Variants in OXR1 observed in about 807,000 individuals in gnomAD.
The protein encoded by OXR1 is oxidation resistance protein 1.
A neutral mutation model predicts 104.6 loss-of-function variants in OXR1; 41 were observed. The ratio of observed to expected loss-of-function variants is 0.39; its 90% confidence interval spans 0.31 to 0.51. OXR1 has a LOEUF of 0.51. Ranked by LOEUF, OXR1 falls within the 20% of genes least tolerant of loss-of-function variation. The probability of loss-of-function intolerance (pLI) is 0.77; values close to 1 mark genes in which losing one functional copy is unlikely to be tolerated. For missense variants in OXR1, 955 were observed against 1,031.9 expected (o/e 0.93, Z 1.02); for synonymous variants, 348 against 348.4 (o/e 1.00, Z 0.01).
At chr8:106,750,157 CA>C (rs35035369) in intron 16 of OXR1, among the ~76,000 whole-genome samples, 75 of 145,290 alleles carry the variant, frequency 5.2e-4, no homozygotes, top group African/African-American at 1.4e-3. Flanking sequence ...CACACATACA[CA>C]AAAAAAAAAC....
chr8:106,274,785 A>G (rs1811968924), intron 1 of OXR1, among the ~76,000 whole-genome samples: 1 of 152,136 alleles, frequency 6.6e-6, no homozygotes, highest in African/African-American at 2.4e-5. Flanking sequence ...TCAATTGCAT[A>G]TTCTTGCTAT....
intron 3 of OXR1, among the ~76,000 whole-genome samples, chr8:106,616,030 C>CTTTT (rs10718309): frequency 0.011 from 772 of 73,286 alleles, 1 homozygote; most frequent in Non-Finnish European, 0.012. Flanking sequence ...GAAACACCTT[C>CTTTT]TTTTTTTTTT....
chr8:106,613,337 A>G (rs1820955220), intron 3 of OXR1, among the ~76,000 whole-genome samples: 2 of 152,214 alleles, frequency 1.3e-5, no homozygotes, highest in South Asian at 4.1e-4. Context: ...AGGCTCTTTT[A>G]TGCAACCTAA....
chr8:106,533,949 G>C (rs773899738), intron 3 of OXR1, among the ~76,000 whole-genome samples: 1 of 152,078 alleles, frequency 6.6e-6, no homozygotes, highest in Non-Finnish European at 1.5e-5. Context: ...CCAACGTCAG[G>C]TGATCCACCT....
intron 3 of OXR1, among the ~76,000 whole-genome samples, chr8:106,643,081 A>G (rs1049748110): frequency 1.3e-5 from 2 of 152,188 alleles, no homozygotes; most frequent in Non-Finnish European, 2.9e-5. Context: ...AACAACCTTA[A>G]CAGAGGCAAA....
At chr8:106,632,525 G>T (rs113425096) in intron 3 of OXR1, among the ~76,000 whole-genome samples, 18 of 152,060 alleles carry the variant, frequency 1.2e-4, no homozygotes, top group African/African-American at 3.6e-4. Context: ...TAATTGATGG[G>T]TTTTTCTTGT....
At chr8:106,688,112 G>A (rs759889706) in intron 6 of OXR1, among the ~76,000 whole-genome samples, 1 of 151,934 alleles carries the variant, frequency 6.6e-6, no homozygotes, top group Non-Finnish European at 1.5e-5. Context: ...TACACCTTTG[G>A]TTTTTCTCCT....
chr8:106,278,920 T>C (rs1812169415), intron 1 of OXR1, among the ~76,000 whole-genome samples: 1 of 152,164 alleles, frequency 6.6e-6, no homozygotes, highest in Non-Finnish European at 1.5e-5. Flanking sequence ...GTGGTAAGTA[T>C]GTCAGTGTAG....
intron 1 of OXR1, among the ~76,000 whole-genome samples, chr8:106,309,768 A>T (rs1385024945): frequency 6.6e-6 from 1 of 150,680 alleles, no homozygotes; most frequent in African/African-American, 2.4e-5. Flanking sequence ...TTAAAATAAA[A>T]ATATATATAC....
chr8:106,456,676 C>T (rs1048736462), intron 2 of OXR1, among the ~76,000 whole-genome samples: 1 of 152,130 alleles, frequency 6.6e-6, no homozygotes, highest in African/African-American at 2.4e-5. Flanking sequence ...AATATCCATC[C>T]ATGATAACAT....
intron 3 of OXR1, among the ~76,000 whole-genome samples, chr8:106,628,695 C>A (rs953925025): frequency 5.3e-5 from 8 of 152,310 alleles, no homozygotes; most frequent in African/African-American, 1.9e-4. Flanking sequence ...TGTCCCATCC[C>A]CTCTCTGCTA....
At chr8:106,717,984 G>A (rs1236653702) in intron 11 of OXR1, among the ~76,000 whole-genome samples, 1 of 152,064 alleles carries the variant, frequency 6.6e-6, no homozygotes, top group Non-Finnish European at 1.5e-5. Flanking sequence ...AAAGTTATTT[G>A]TTACAATAAG....
At chr8:106,336,401 C>A (rs530051803) in intron 1 of OXR1, among the ~76,000 whole-genome samples, 1 of 152,274 alleles carries the variant, frequency 6.6e-6, no homozygotes. Context: ...CATCAGGGTA[C>A]CCTGGATGAT....
chr8:106,619,174 T>C (rs891582487), intron 3 of OXR1, among the ~76,000 whole-genome samples: 1 of 152,206 alleles, frequency 6.6e-6, no homozygotes, highest in Non-Finnish European at 1.5e-5. Flanking sequence ...TATCAGAATG[T>C]ATAATATACT....
intron 3 of OXR1, chr8:106,657,878 G>T: frequency 8.0e-7 from 1 of 1,242,286 alleles, no homozygotes; most frequent in Non-Finnish European, 1.0e-6. Context: ...GCGCGGAGCC[G>T]CCTCCCCTGG....
At chr8:106,442,764 C>A (rs2130592472) in intron 2 of OXR1, among the ~76,000 whole-genome samples, 1 of 152,192 alleles carries the variant, frequency 6.6e-6, no homozygotes, top group Admixed American at 6.5e-5. Flanking sequence ...GTGGTGATAT[C>A]CCCGTTATCA....
At chr8:106,636,365 G>A (rs553403543) in intron 3 of OXR1, among the ~76,000 whole-genome samples, 1 of 151,724 alleles carries the variant, frequency 6.6e-6, no homozygotes, top group South Asian at 2.1e-4. Context: ...AATTCCACAA[G>A]CTATTACCAG....
intron 1 of OXR1, among the ~76,000 whole-genome samples, chr8:106,311,607 TGGA>T: frequency 6.6e-6 from 1 of 152,248 alleles, no homozygotes; most frequent in Non-Finnish European, 1.5e-5. Context: ...TCTTACTGGG[TGGA>T]GGAGGTGTAG....
At chr8:106,630,405 G>T (rs1006742483) in intron 3 of OXR1, among the ~76,000 whole-genome samples, 1 of 152,180 alleles carries the variant, frequency 6.6e-6, no homozygotes, top group African/African-American at 2.4e-5. Context: ...AATGGTAAAG[G>T]TCATGCGTGT....
Sources: allele counts gnomAD v4.1 joint callset (sites outside exome capture counted in the v4.1 genomes callset), GRCh38; gene constraint gnomAD v4.1.1; transcripts MANE v1.5; gene names NCBI Gene and HGNC (gene_info 2026-07-23, HGNC 2026-07-21).